The following OPRM1 variants were observed in gnomAD, a reference collection of about 807,000 sequenced individuals.
The protein encoded by OPRM1 is mu-type opioid receptor.
In OPRM1, 27 loss-of-function variants were observed where a neutral mutation model predicts 31.8. The ratio of observed to expected loss-of-function variants is 0.85; its 90% CI spans 0.63 to 1.17. OPRM1 has a LOEUF of 1.17. Among genes scored for constraint, OPRM1 ranks in the 50% most tolerant of loss-of-function variants. The pLI is 0.00. For synonymous variants in OPRM1, 196 were observed against 189.9 expected (o/e 1.03, Z -0.26); for missense variants, 536 against 511.1 (o/e 1.05, Z -0.47).
chr6:154,224,500 GTGTTCACGTT>G lies in OPRM1; in HGVS notation c.1165-22192_1165-22183del, dbSNP rs572174564. On this transcript the variant is annotated intron_variant, in intron 3 of 3. Transcript: ENST00000337049. ...AGGAGGGTGGATCACTTGCGGTGAGGTGTTCACGTTCAGCCCAGCCAACACGGTGAAACCC... is the reference window on the plus strand; with the variant it reads ...AGGAGGGTGGATCACTTGCGGTGAGGCAGCCCAGCCAACACGGTGAAACCC... 4.6e-3 allele frequency among the ~76,000 whole-genome samples: 701 copies of G among 152,250 alleles called. 6 individuals carry two copies. The highest frequency in any genetic ancestry group is 0.016 in the African/African-American group (673 of 41,550).
At chr6:154,235,486 G>A (rs191600277) in intron 3 of OPRM1, among the ~76,000 whole-genome samples, 14 of 137,576 alleles carry the variant, frequency 1.0e-4, no homozygotes, top group Admixed American at 8.2e-4. Context: ...AGCCGAGATC[G>A]CACCATTGCA....
At chr6:154,042,395 G>A (rs1447797944) in intron 1 of OPRM1, among the ~76,000 whole-genome samples, 1 of 152,150 alleles carries the variant, frequency 6.6e-6, no homozygotes, top group African/African-American at 2.4e-5. Context: ...AAGTATTGAG[G>A]AGAAATGTTC....
rs994678280 is a variant in OPRM1, at chr6:154,110,634, A to G, written c.1165-8049A>G. On this transcript the variant is annotated intron_variant, in intron 3 of 3. Transcript: ENST00000330432. ...CCGGGCACGGTGGCTCAAGCCTGTA[A>G]TCCCAGCACTTTGGGAGACCGAAGT... is the stretch of plus-strand genomic sequence containing the variant. Among the ~76,000 whole-genome samples the G allele has an allele frequency of 3.9e-5, 6 of 152,232 alleles. No individual in the cohort carries two copies. In the East Asian group the frequency reaches 1.2e-3, roughly 29 times the overall value.
intron 3 of OPRM1, among the ~76,000 whole-genome samples, chr6:154,234,732 G>C (rs1486751971): frequency 6.6e-6 from 1 of 152,202 alleles, no homozygotes. Context: ...AAAGGGCTCT[G>C]AAGTAAGGAG....
downstream of OPRM1, among the ~76,000 whole-genome samples, chr6:154,135,092 T>C (rs1470311517): frequency 6.6e-6 from 1 of 152,218 alleles, no homozygotes; most frequent in African/African-American, 2.4e-5. Context: ...TTTTTTGCCA[T>C]GTGTACTATG....
At chr6:154,163,127 C>A (rs1799157942) in intron 3 of OPRM1, among the ~76,000 whole-genome samples, 1 of 152,190 alleles carries the variant, frequency 6.6e-6, no homozygotes, top group Non-Finnish European at 1.5e-5. Flanking sequence ...TCCAGAGGGT[C>A]ACTGTCTTAC....
rs1349129490 is a variant in OPRM1 at position 154,167,037 on chromosome 6, G to C, written c.1164+75565G>C. 7.2e-5 allele frequency among the ~76,000 whole-genome samples: 11 copies of C among 152,282 alleles called. No individual in the cohort carries two copies. In the East Asian group the frequency reaches 7.7e-4, roughly 11 times the overall value. On this transcript the variant is annotated intron_variant, in intron 3 of 3. Transcript: ENST00000337049. Reference sequence around the variant, plus strand: ...TACTGACTAACTGGGACGCCTAAGAGCCACTCAGCCTGCCTTTGTAGCCTT... The same window carrying C: ...TACTGACTAACTGGGACGCCTAAGACCCACTCAGCCTGCCTTTGTAGCCTT...
At chr6:154,059,791 C>T (rs1295632505) in intron 1 of OPRM1, among the ~76,000 whole-genome samples, 1 of 152,006 alleles carries the variant, frequency 6.6e-6, no homozygotes, top group Non-Finnish European at 1.5e-5. Flanking sequence ...TATTTCAGCC[C>T]TTTGTGTCTC....
In OPRM1 at chr6:154,152,347, G is replaced by GAAAGAAAGAAAGAAAGAAAGAAAAGAAAA; in HGVS notation, c.1164+60875_1164+60876insAAAGAAAGAAAGAAAGAAAGAAAAGAAAA. ...AGAAAGAAAGAAAGAAAGAAAGAAA[G>GAAAGAAAGAAAGAAAGAAAGAAAAGAAAA]GAAAGAAAGAAAGAAAGAAAGAAAG... is the stretch of plus-strand genomic sequence containing the variant. On this transcript the variant is annotated intron_variant, in intron 3 of 3. Coordinates refer to the OPRM1 transcript ENST00000337049. Among the ~76,000 whole-genome samples the GAAAGAAAGAAAGAAAGAAAGAAAAGAAAA allele has an allele frequency of 4.6e-5, 3 of 65,132 alleles. 1 individual carries two copies. The highest frequency in any genetic ancestry group is 2.0e-4 in the Admixed American group (1 of 5,098). 42.7% of individuals were successfully genotyped at this position (65,132 alleles called of 152,430 possible).
intron 1 of OPRM1, chr6:154,083,473 A>G (rs1789637088): frequency 1.3e-5 from 2 of 152,386 alleles, no homozygotes; most frequent in Non-Finnish European, 2.9e-5. Flanking sequence ...TATTCATTTT[A>G]TATTTTCTAT....
At chr6:154,078,893 A>T (rs948151491) in intron 1 of OPRM1, among the ~76,000 whole-genome samples, 12 of 152,120 alleles carry the variant, frequency 7.9e-5, no homozygotes, top group Non-Finnish European at 1.6e-4. Flanking sequence ...GGGGAAAAAA[A>T]ATCATCCTAA....
At chr6:154,072,934 T>C (rs1787108003) in intron 1 of OPRM1, among the ~76,000 whole-genome samples, 1 of 152,190 alleles carries the variant, frequency 6.6e-6, no homozygotes, top group African/African-American at 2.4e-5. Flanking sequence ...AGAGTACTTT[T>C]ATGTTTTCCT....
intron 3 of OPRM1, among the ~76,000 whole-genome samples, chr6:154,193,811 A>C (rs1312955883): frequency 1.3e-5 from 2 of 152,260 alleles, no homozygotes; most frequent in Non-Finnish European, 2.9e-5. Flanking sequence ...AAATGACCCC[A>C]GCATCAAACA....
intron 1 of OPRM1, among the ~76,000 whole-genome samples, chr6:154,070,751 C>T (rs572497450): frequency 2.0e-5 from 3 of 152,210 alleles, no homozygotes; most frequent in East Asian, 3.9e-4. Flanking sequence ...TATGCTGGAC[C>T]GTTTTACTCC....
intron 1 of OPRM1, among the ~76,000 whole-genome samples, chr6:154,058,184 C>G (rs1039725190): frequency 1.3e-5 from 2 of 152,110 alleles, no homozygotes; most frequent in African/African-American, 4.8e-5. Context: ...GCTTTCTACA[C>G]ACCCTTGCTT....
downstream of OPRM1, among the ~76,000 whole-genome samples, chr6:154,134,717 G>A (rs1386777854): frequency 1.3e-5 from 2 of 152,134 alleles, no homozygotes; most frequent in Non-Finnish European, 2.9e-5. Context: ...GAGCGATCAG[G>A]CCAACCTGCA....
rs1797817049 is a variant in OPRM1 at position 154,130,203 on chromosome 6, C to G, written c.*11482C>G. ...TTTTTTTTTTTGATGGAGTCTCACT[C>G]TGTCGCCCAGGCTGGAGTGCAGTGG... On this transcript the variant is annotated 3_prime_UTR_variant, in exon 4 of 4. Coordinates refer to ENST00000330432, the MANE Select transcript of OPRM1 (RefSeq NM_000914.5). Among the ~76,000 whole-genome samples, 1 of 144,494 alleles carries G rather than the reference C, an allele frequency of 6.9e-6. No homozygotes were observed. The highest frequency in any genetic ancestry group is 1.5e-5 in the Non-Finnish European group (1 of 66,724). 94.8% of individuals were successfully genotyped at this position (144,494 alleles called of 152,430 possible).
intron 1 of OPRM1, among the ~76,000 whole-genome samples, chr6:154,080,247 A>T (rs573832143): frequency 6.6e-6 from 1 of 152,236 alleles, no homozygotes; most frequent in Admixed American, 6.5e-5. Flanking sequence ...TGCATGAAAT[A>T]TGTGATTTCA....
rs1797287874 is a variant in OPRM1 at position 154,121,355 on chromosome 6, G to A, written c.*2634G>A. On this transcript the variant is annotated 3_prime_UTR_variant, in exon 4 of 4. Transcript: ENST00000330432. ...CTCTTTCCTTGCCAATCATTAGAAA[G>A]GAAAGAAGAGGAAAGAGACTCGCTG... Among the ~76,000 whole-genome samples, 1 of 152,090 alleles carries A rather than the reference G, an allele frequency of 6.6e-6. No homozygotes were observed. The highest frequency in any genetic ancestry group is 2.1e-4 in the South Asian group (1 of 4,832).
Sources: gnomAD v4.1 joint callset for allele counts (sites outside exome capture counted in the v4.1 genomes callset) on GRCh38, gnomAD v4.1.1 for gene constraint, MANE v1.5 for transcripts, NCBI Gene and HGNC (gene_info 2026-07-23, HGNC 2026-07-21) for gene names.